AGXT2: variants seen among roughly 807,000 people sequenced by gnomAD.
The protein encoded by AGXT2 is alanine--glyoxylate aminotransferase 2, mitochondrial.
AGXT2 carries 61 observed loss-of-function variants against 62.5 expected under a neutral mutation model. That is an observed-to-expected ratio of 0.98 (90% CI 0.79 to 1.21). AGXT2 has a LOEUF of 1.21. AGXT2 is among the 50% of genes most tolerant of loss of function. The probability of loss-of-function intolerance (pLI) is 0.00; values close to 1 mark genes in which losing one functional copy is unlikely to be tolerated. For missense variants in AGXT2, 666 were observed against 641.5 expected (o/e 1.04, Z -0.41); for synonymous variants, 243 against 218.7 (o/e 1.11, Z -0.98).
In AGXT2 at chr5:35,013,992, G is replaced by A; in HGVS notation, c.1091C>T (p.Thr364Ile). Residue 364 changes from threonine to isoleucine, a missense_variant, in exon 10 of 14, where the codon ACT (threonine) becomes ATT (isoleucine). Thr to Ile is a moderately conservative substitution (Grantham distance 89, BLOSUM62 -1). Coordinates refer to ENST00000231420, the MANE Select transcript of AGXT2 (RefSeq NM_031900.4). ...AAACTGCCTGTGGGTCCTACCTGGAGTGGTTATGACTGCTGCCATGGGAAA... is the reference window on the plus strand; with the variant it reads ...AAACTGCCTGTGGGTCCTACCTGGAATGGTTATGACTGCTGCCATGGGAAA... ...NGFPMAAVIT[T>I]PEIAKSLAKC... 1 of 1,614,062 alleles carries A rather than the reference G, an allele frequency of 6.2e-7. No individual in the cohort carries two copies.
rs374836762 is a variant in AGXT2, at chr5:35,004,138, G to A, written c.1339-277C>T. Among the ~76,000 whole-genome samples, 198 of 152,332 alleles carry A rather than the reference G, an allele frequency of 1.3e-3. 3 individuals carry two copies. Among genetic ancestry groups the A allele is most frequent in the South Asian group, 0.012 (59 of 4,826 alleles). Reference sequence around the variant, plus strand: ...ATGAAGTTCTGTGCGGATAGCCAGTGAATCTTAGCTTTGCTAATGGCTGCC... The same window carrying A: ...ATGAAGTTCTGTGCGGATAGCCAGTAAATCTTAGCTTTGCTAATGGCTGCC... On this transcript the variant is annotated intron_variant, in intron 12 of 13. Transcript: ENST00000231420.
intron 7 of AGXT2, among the ~76,000 whole-genome samples, chr5:35,029,194 A>G (rs904159413): frequency 3.3e-5 from 5 of 152,206 alleles, no homozygotes; most frequent in Admixed American, 6.5e-5. Flanking sequence ...AAATAAATCT[A>G]TGCCTCTAGA....
intron 2 of AGXT2, among the ~76,000 whole-genome samples, chr5:35,039,798 A>T (rs556395477): frequency 4.7e-4 from 72 of 152,388 alleles, no homozygotes; most frequent in African/African-American, 1.6e-3. Flanking sequence ...CTATGAAAAA[A>T]ATAGACTTCG....
chr5:35,022,747 T>A (rs1395201562), intron 9 of AGXT2, among the ~76,000 whole-genome samples: 13 of 138,648 alleles, frequency 9.4e-5, no homozygotes, highest in East Asian at 2.2e-4. Context: ...AAGAGAGAAG[T>A]AAAAAAAAAA....
intron 5 of AGXT2, among the ~76,000 whole-genome samples, chr5:35,034,471 C>T (rs894315506): frequency 1.3e-5 from 2 of 152,142 alleles, no homozygotes; most frequent in Admixed American, 6.5e-5. Context: ...TTTGAATTCA[C>T]ACAGAAATTA....
intron 9 of AGXT2, among the ~76,000 whole-genome samples, chr5:35,016,361 A>G (rs960377776): frequency 6.6e-6 from 1 of 152,220 alleles, no homozygotes; most frequent in African/African-American, 2.4e-5. Flanking sequence ...TAAGCTAACT[A>G]TGGGAGGAAT....
In AGXT2 at chr5:34,998,813, G is replaced by A. The variant is rs139418234; in HGVS notation, c.1451C>T (p.Ala484Val). The part of the protein sequence containing the change: ...GSIFSQTFRI[A>V]PSMCITKPEV... ...TGGTTTAGTGATGCACATTGAGGGC[G>A]CAATGCGAAATGTCTGAGGAGACAC... The change falls in exon 14 of 14, where the codon GCG (alanine) becomes GTG (valine). Residue 484 changes from alanine (A) to valine (V), a missense_variant. Physicochemically the swap from Ala to Val is moderately conservative, Grantham distance 64. Coordinates refer to ENST00000231420, the MANE Select transcript of AGXT2 (RefSeq NM_031900.4). 73 of 1,613,036 alleles carry A rather than the reference G, an allele frequency of 4.5e-5. No individual in the cohort carries two copies. The highest frequency in any genetic ancestry group is 3.6e-4 in the East Asian group (16 of 44,874).
intron 1 of AGXT2, among the ~76,000 whole-genome samples, chr5:35,042,282 C>T (rs1768016244): frequency 6.6e-6 from 1 of 151,834 alleles, no homozygotes; most frequent in African/African-American, 2.4e-5. Context: ...GTCATAAGCA[C>T]ATGATGGTGG....
At chr5:35,040,376 C>T (rs765962411) in intron 2 of AGXT2, among the ~76,000 whole-genome samples, 199 bp downstream of exon 2, 3 of 152,180 alleles carry the variant, frequency 2.0e-5, no homozygotes, top group Admixed American at 6.5e-5. Flanking sequence ...ATCTCTCACA[C>T]ATGGACACCA....
chr5:35,035,504 A>G (rs180748), intron 4 of AGXT2, among the ~76,000 whole-genome samples, 188 bp from the exon 5 acceptor site: 142,609 of 152,166 alleles, frequency 0.94, 67,310 homozygotes, highest in Non-Finnish European at 1. Flanking sequence ...TCCAGTAGCC[A>G]CTAAGTGCCA....
intron 4 of AGXT2, among the ~76,000 whole-genome samples, chr5:35,036,225 T>A (rs1257763070): frequency 1.3e-5 from 2 of 152,202 alleles, no homozygotes; most frequent in Non-Finnish European, 2.9e-5. Context: ...TGCTCTTCTG[T>A]GAACATCTGG....
At chr5:35,040,738 C>A in intron 1 of AGXT2, 75 bp from the exon 2 acceptor site, 1 of 1,071,230 alleles carries the variant, frequency 9.3e-7, no homozygotes, top group Non-Finnish European at 1.5e-6. Flanking sequence ...TATAGTTATC[C>A]AAATAAAACT....
At chr5:35,004,968 T>G (rs1277520310) in intron 12 of AGXT2, among the ~76,000 whole-genome samples, 2 of 152,148 alleles carry the variant, frequency 1.3e-5, no homozygotes, top group Non-Finnish European at 2.9e-5. Context: ...AGCCTTAACA[T>G]AAGCAAAATA....
At chr5:35,035,465 A>G in intron 4 of AGXT2, 149 bp from the exon 5 acceptor site, 2 of 707,686 alleles carry the variant, frequency 2.8e-6, no homozygotes. Context: ...TCCATCATTT[A>G]ACCACAGTAT....
chr5:35,039,965 C>T (rs1039825187), intron 2 of AGXT2, among the ~76,000 whole-genome samples: 1 of 152,054 alleles, frequency 6.6e-6, no homozygotes, highest in Admixed American at 6.5e-5. Context: ...TTGTGGATCC[C>T]TCATAAATAC....
intron 2 of AGXT2, among the ~76,000 whole-genome samples, chr5:35,039,832 G>A (rs1240520515): frequency 6.6e-6 from 1 of 152,148 alleles, no homozygotes; most frequent in Non-Finnish European, 1.5e-5. Flanking sequence ...GAACTAATAA[G>A]CAATTAGTCT....
rs574094099 is a variant in AGXT2, at chr5:35,041,015, G to C, written c.89-352C>G. On this transcript the variant is annotated intron_variant, in intron 1 of 13. Transcript: ENST00000231420. ...AATGCGTTGTTGGAGTCCATCCCCT[G>C]TTAATAGAGGTGCTTTTTAGGCTTC... Among the ~76,000 whole-genome samples, 9 of 152,078 alleles carry C rather than the reference G, an allele frequency of 5.9e-5. No homozygotes were observed. In the East Asian group the frequency reaches 1.7e-3, roughly 29 times the overall value.
At chr5:35,023,880 T>C (rs1421543423) in intron 9 of AGXT2, among the ~76,000 whole-genome samples, 1 of 151,100 alleles carries the variant, frequency 6.6e-6, no homozygotes, top group African/African-American at 2.4e-5. Flanking sequence ...TATTTATTTA[T>C]TTATTTATTT....
chr5:35,040,344 C>T (rs758056039), intron 2 of AGXT2, among the ~76,000 whole-genome samples: 1 of 152,176 alleles, frequency 6.6e-6, no homozygotes, highest in Non-Finnish European at 1.5e-5. Context: ...CTTGTACTTT[C>T]TTTGCCTCTG....
Sources: gnomAD v4.1 joint callset for allele counts (sites outside exome capture counted in the v4.1 genomes callset) on GRCh38, gnomAD v4.1.1 for gene constraint, MANE v1.5 for transcripts, NCBI Gene and HGNC (gene_info 2026-07-23, HGNC 2026-07-21) for gene names.